Variants in NR1D2 observed in about 807,000 individuals in gnomAD.
The protein encoded by NR1D2 is nuclear receptor subfamily 1 group D member 2, also known as V-erbA-related protein 1-related.
NR1D2 carries 25 observed loss-of-function variants against 52.2 expected under a neutral mutation model. The observed-to-expected ratio is 0.48, with a 90% confidence interval of 0.35 to 0.67. NR1D2 has a LOEUF of 0.67. NR1D2 is among the 30% of genes least tolerant of loss of function. NR1D2 has a pLI of 0.01. For missense variants in NR1D2, 681 were observed against 707.2 expected (o/e 0.96, Z 0.42); for synonymous variants, 259 against 230.1 (o/e 1.13, Z -1.14).
chr3:23,945,791 A>C (rs1475094061), intron 1 of NR1D2, among the ~76,000 whole-genome samples, 197 bp downstream of exon 1: 1 of 150,188 alleles, frequency 6.7e-6, no homozygotes, highest in Non-Finnish European at 1.5e-5. Flanking sequence ...GTCTCCCTGC[A>C]AAGCCGCAGC....
In NR1D2 at chr3:23,967,957, C is replaced by A. The variant is rs775298376; in HGVS notation, c.1477C>A (p.Leu493Ile). Residue 493 changes from leucine (L) to isoleucine (I), a missense_variant, in exon 7 of 8, where the codon CTA becomes ATA. Leu to Ile is a conservative substitution (Grantham distance 5). Coordinates refer to ENST00000312521, the MANE Select transcript of NR1D2 (RefSeq NM_005126.5). ...LNSMFEFSEK[L>I]NALQLSDEEM... is the part of the protein sequence containing the mutation. ...CTCTATGTTTGAATTTAGTGAGAAG[C>A]TAAATGCCCTCCAACTTAGTGATGA... 1.2e-6 allele frequency: 2 copies of A among 1,614,114 alleles called. No individual in the cohort carries two copies. Among genetic ancestry groups the A allele is most frequent in the Non-Finnish European group, 1.7e-6 (2 of 1,179,998 alleles).
chr3:23,947,304 C>G (rs950152020), intron 1 of NR1D2, among the ~76,000 whole-genome samples: 1 of 152,210 alleles, frequency 6.6e-6, no homozygotes, highest in Non-Finnish European at 1.5e-5. Flanking sequence ...TGATCTAAAT[C>G]TTGCCTCGTG....
In NR1D2 at chr3:23,952,438, G is replaced by A. The variant is rs576025350; in HGVS notation, c.17-2099G>A. Among the ~76,000 whole-genome samples, 156 of 152,084 alleles carry A rather than the reference G, an allele frequency of 1.0e-3. 1 individual carries two copies. The highest frequency in any genetic ancestry group is 3.6e-3 in the African/African-American group (151 of 41,474). ...TTAAATTTGTGTCTGGGCTGGGCAC[G>A]GTGGCTCACACCTGTAATCTCAGCA... On this transcript the variant is annotated intron_variant, in intron 1 of 7. Coordinates refer to ENST00000312521, the MANE Select transcript of NR1D2 (RefSeq NM_005126.5).
chr3:23,953,889 A>C (rs1706012611), intron 1 of NR1D2, among the ~76,000 whole-genome samples: 1 of 152,226 alleles, frequency 6.6e-6, no homozygotes, highest in South Asian at 2.1e-4. Context: ...TGAGCAATGA[A>C]GTTACTTAGG....
At position 23,979,243 on chromosome 3, in the gene NR1D2, A is replaced by G. The variant is rs541270558; in HGVS notation, c.*1824A>G. 6.6e-6 allele frequency: 1 copy of G among 152,232 alleles called. No individual in the cohort carries two copies. The highest frequency in any genetic ancestry group is 1.9e-4 in the East Asian group (1 of 5,188). 9.4% of individuals were successfully genotyped at this position (152,232 alleles called of 1,614,324 possible). ...TGTCTGTAGTACAATATAAACCATA[A>G]TTGTGATTTACCTTAAGTAGGTATA... On this transcript the variant is annotated 3_prime_UTR_variant, in exon 8 of 8. Coordinates refer to ENST00000312521, the MANE Select transcript of NR1D2 (RefSeq NM_005126.5).
chr3:23,965,599 A>G (rs928626677), intron 6 of NR1D2, among the ~76,000 whole-genome samples: 12 of 152,088 alleles, frequency 7.9e-5, no homozygotes, highest in African/African-American at 2.2e-4. Context: ...GTCTGAAACT[A>G]TCAACAAAAT....
intron 2 of NR1D2, among the ~76,000 whole-genome samples, chr3:23,955,787 C>T (rs1467148591): frequency 1.3e-5 from 2 of 151,842 alleles, no homozygotes; most frequent in Admixed American, 6.6e-5. Context: ...CACGCCACTG[C>T]GTTCCAGCCT....
At chr3:23,960,016 T>C (rs1165651147) in intron 4 of NR1D2, 6 of 384,600 alleles carry the variant, frequency 1.6e-5, no homozygotes, top group Non-Finnish European at 2.7e-5. Flanking sequence ...AGTTTTTGGC[T>C]AAACTTCTGT....
intron 1 of NR1D2, among the ~76,000 whole-genome samples, chr3:23,949,924 A>T (rs1367767350): frequency 1.3e-5 from 2 of 152,190 alleles, no homozygotes; most frequent in Non-Finnish European, 2.9e-5. Context: ...AGCAGTACAA[A>T]ATTGGATATT....
chr3:23,953,062 G>A (rs1249441443), intron 1 of NR1D2, among the ~76,000 whole-genome samples: 1 of 151,506 alleles, frequency 6.6e-6, no homozygotes, highest in South Asian at 2.1e-4. Flanking sequence ...TGATAGGCCC[G>A]GTGCGGTGGC....
chr3:23,965,274 C>CT (rs1706409622), intron 6 of NR1D2, 112 bp downstream of exon 6: 1 of 799,440 alleles, frequency 1.3e-6, no homozygotes, highest in African/African-American at 2.1e-5. Context: ...GAATCCTGCT[C>CT]TGTCACCCAG....
intron 7 of NR1D2, among the ~76,000 whole-genome samples, chr3:23,973,407 G>C (rs1356436346): frequency 6.6e-6 from 1 of 152,168 alleles, no homozygotes; most frequent in Non-Finnish European, 1.5e-5. Context: ...AGTACTGCAG[G>C]CAGTTTGTAA....
Position 23,967,995 on chromosome 3 carries a change from G to T in NR1D2, c.1515G>T (p.Leu505Phe), listed in dbSNP as rs1706496150. Residue 505 changes from leucine (L) to phenylalanine (F), a missense_variant, in exon 7 of 8, where the codon TTG becomes TTT. Transcript: ENST00000312521. Reference sequence around the variant, plus strand: ...AACTTAGTGATGAAGAGATGAGTTTGTTTACAGCTGTTGTCCTGGTATCTG... The same window carrying T: ...AACTTAGTGATGAAGAGATGAGTTTTTTTACAGCTGTTGTCCTGGTATCTG... Reference protein sequence around the residue: ...ALQLSDEEMSLFTAVVLVSAD... With the variant: ...ALQLSDEEMSFFTAVVLVSAD... The T allele has an allele frequency of 6.2e-7, 1 of 1,614,008 alleles. No homozygotes were observed. The highest frequency in any genetic ancestry group is 1.3e-5 in the African/African-American group (1 of 74,906).
At chr3:23,947,245 C>G (rs945560470) in intron 1 of NR1D2, among the ~76,000 whole-genome samples, 1 of 152,200 alleles carries the variant, frequency 6.6e-6, no homozygotes, top group Admixed American at 6.5e-5. Flanking sequence ...TAAGGGCTGG[C>G]TCAATTAGGA....
intron 1 of NR1D2, among the ~76,000 whole-genome samples, chr3:23,949,682 A>G (rs1234656375): frequency 6.6e-6 from 1 of 152,236 alleles, no homozygotes; most frequent in Non-Finnish European, 1.5e-5. Flanking sequence ...GATCTACTCT[A>G]CCACCCTTGG....
rs1185958175 is a variant in NR1D2 at position 23,959,534 on chromosome 3, CAT to C, written c.373-135_373-134del. On this transcript the variant is annotated intron_variant, in intron 3 of 7. Transcript: ENST00000312521. ...CATTGTATTTCCCTCTGTCCTAAGACATAGTGTTTCCCAGATAGTGAGTCATA... is the reference window on the plus strand; with the variant it reads ...CATTGTATTTCCCTCTGTCCTAAGACAGTGTTTCCCAGATAGTGAGTCATA... 232 of 728,868 alleles carry C rather than the reference CAT, an allele frequency of 3.2e-4. 2 individuals are homozygous for C. Among genetic ancestry groups the C allele is most frequent in the Non-Finnish European group, 1.7e-4 (77 of 451,300 alleles). 45.2% of individuals were successfully genotyped at this position (728,868 alleles called of 1,614,324 possible). A position where few individuals can be genotyped will look rare whatever the true frequency, so the allele number is the denominator to read the frequency against.
chr3:23,968,121 GA>G (rs2125295215), intron 7 of NR1D2, 98 bp downstream of exon 7: 1 of 887,382 alleles, frequency 1.1e-6, no homozygotes, highest in South Asian at 1.4e-5. Context: ...TATATAGAGG[GA>G]ATAAGGCCTT....
At chr3:23,948,001 C>A (rs1705807922) in intron 1 of NR1D2, among the ~76,000 whole-genome samples, 1 of 151,970 alleles carries the variant, frequency 6.6e-6, no homozygotes, top group Non-Finnish European at 1.5e-5. Flanking sequence ...TCCTGTAATC[C>A]CAGCTACTTA....
intron 7 of NR1D2, among the ~76,000 whole-genome samples, chr3:23,976,562 T>G (rs1228808348): frequency 6.6e-6 from 1 of 152,248 alleles, no homozygotes; most frequent in Non-Finnish European, 1.5e-5. Context: ...GAGCCCACTC[T>G]TAGTTCCTTG....
Sources: allele counts gnomAD v4.1 joint callset (sites outside exome capture counted in the v4.1 genomes callset), GRCh38; gene constraint gnomAD v4.1.1; transcripts MANE v1.5; gene names NCBI Gene and HGNC (gene_info 2026-07-23, HGNC 2026-07-21).